GLCCI1: variants seen among roughly 807,000 people sequenced by gnomAD.
The protein encoded by GLCCI1 is glucocorticoid-induced transcript 1 protein.
A neutral mutation model predicts 52.2 loss-of-function variants in GLCCI1; 24 were observed. That is an observed-to-expected ratio of 0.46 (90% confidence interval 0.33 to 0.65). The LOEUF is 0.65. Ranked by LOEUF, GLCCI1 falls within the 30% of genes least tolerant of loss-of-function variation. GLCCI1 has a pLI of 0.02. For missense variants in GLCCI1, 704 were observed against 701.5 expected (o/e 1.00, Z -0.04); for synonymous variants, 310 against 276.5 (o/e 1.12, Z -1.20).
At chr7:7,986,384 G>T (rs983147510) in intron 1 of GLCCI1, among the ~76,000 whole-genome samples, 4 of 151,890 alleles carry the variant, frequency 2.6e-5, no homozygotes, top group Non-Finnish European at 5.9e-5. Flanking sequence ...CAGGGGGAGG[G>T]GGGGGTGGCA....
chr7:8,004,283 A>G (rs770131899), intron 2 of GLCCI1: 24 of 425,620 alleles, frequency 5.6e-5, no homozygotes, highest in Admixed American at 1.8e-4. Context: ...ACATCAGTCT[A>G]TATTACATGG....
intron 5 of GLCCI1, among the ~76,000 whole-genome samples, chr7:8,069,715 A>G (rs1250692559): frequency 6.6e-6 from 1 of 152,170 alleles, no homozygotes; most frequent in African/African-American, 2.4e-5. Flanking sequence ...TCATTTGCAT[A>G]GTTTCAGATT....
At chr7:8,023,588 C>CCTTTTTTTTTTTTT (rs1781543370) in intron 3 of GLCCI1, among the ~76,000 whole-genome samples, 2 of 41,984 alleles carry the variant, frequency 4.8e-5, no homozygotes, top group African/African-American at 2.0e-4. Context: ...CTCTGTTATT[C>CCTTTTTTTTTTTTT]TTTTTTTTTT....
chr7:7,995,333 A>G (rs2115419661), intron 1 of GLCCI1, among the ~76,000 whole-genome samples: 1 of 152,074 alleles, frequency 6.6e-6, no homozygotes. Context: ...ATATGGCAAA[A>G]CCCCGTCCTC....
rs11561883 is a variant in GLCCI1 at position 8,074,730 on chromosome 7, T to C, written c.1177+3599T>C. 5.2e-3 allele frequency among the ~76,000 whole-genome samples: 787 copies of C among 152,304 alleles called. 17 individuals carry two copies. In the East Asian group the frequency reaches 0.075, roughly 14 times the overall value. On this transcript the variant is annotated intron_variant, in intron 6 of 7. Transcript: ENST00000223145. The stretch of plus-strand genomic sequence containing the variant: ...TTCCTATAATGTATGTTTTCTACAA[T>C]AAATCATAAATTGGTGTTTTTTTAT...
At chr7:8,019,235 G>A (rs1781434692) in intron 2 of GLCCI1, among the ~76,000 whole-genome samples, 2 of 152,216 alleles carry the variant, frequency 1.3e-5, no homozygotes, top group South Asian at 2.1e-4. Flanking sequence ...TATGACAGCC[G>A]GTAGCCACAT....
chr7:8,051,083 A>T (rs1782248836), intron 3 of GLCCI1, among the ~76,000 whole-genome samples: 1 of 152,200 alleles, frequency 6.6e-6, no homozygotes, highest in Non-Finnish European at 1.5e-5. Flanking sequence ...AGAATATGTT[A>T]TTAGGCAGAA....
chr7:8,021,548 G>T (rs551837590), intron 2 of GLCCI1, among the ~76,000 whole-genome samples: 1 of 152,298 alleles, frequency 6.6e-6, no homozygotes, highest in Admixed American at 6.5e-5. Flanking sequence ...GAGTAGCTGA[G>T]ATTACAGGTG....
chr7:8,086,046 A>G lies in GLCCI1; in HGVS notation c.1299-147A>G. The G allele has an allele frequency of 1.5e-6, 1 of 649,014 alleles. No homozygotes were observed. The allele number at this position is 649,014 out of a possible 1,614,324, so 40.2% of individuals were successfully genotyped here. The stretch of plus-strand genomic sequence containing the variant: ...AATAGTCTGCCAGCTGACTTGTGCT[A>G]TGGAAGATGTTTACCCCTCTGTATA... On this transcript the variant is annotated intron_variant, in intron 7 of 7. Coordinates refer to ENST00000223145, the MANE Select transcript of GLCCI1 (RefSeq NM_138426.4). The surrounding 1 kb of genome is among the most constrained non-coding windows in gnomAD (Gnocchi z 4.4).
intron 2 of GLCCI1, among the ~76,000 whole-genome samples, chr7:8,004,932 C>T (rs909071835): frequency 2.6e-5 from 4 of 152,182 alleles, no homozygotes; most frequent in Non-Finnish European, 5.9e-5. Context: ...ATCTGTAAAA[C>T]TCTGCTTCTC....
chr7:7,980,340 G>C, intron 1 of GLCCI1: 1 of 179,708 alleles, frequency 5.6e-6, no homozygotes, highest in South Asian at 1.5e-4. Context: ...AGACTACTGT[G>C]GGCAATGTGG....
At chr7:8,048,021 A>T (rs1782174680) in intron 3 of GLCCI1, among the ~76,000 whole-genome samples, 1 of 152,084 alleles carries the variant, frequency 6.6e-6, no homozygotes, top group Non-Finnish European at 1.5e-5. Flanking sequence ...TCCCTAACTC[A>T]ACAGTCTCTA....
chr7:7,983,048 G>C (rs1237822450), intron 1 of GLCCI1, among the ~76,000 whole-genome samples: 2 of 152,078 alleles, frequency 1.3e-5, no homozygotes, highest in Non-Finnish European at 2.9e-5. Context: ...TAAACATGTG[G>C]TCAAAAAATA....
At chr7:7,976,850 C>T (rs553250747) in intron 1 of GLCCI1, among the ~76,000 whole-genome samples, 5 of 151,122 alleles carry the variant, frequency 3.3e-5, no homozygotes, top group South Asian at 2.1e-4. Context: ...TGAGCCCAGG[C>T]GGCAGAGGTT....
chr7:8,047,606 A>G (rs1347071770), intron 3 of GLCCI1, among the ~76,000 whole-genome samples: 2 of 152,240 alleles, frequency 1.3e-5, no homozygotes, highest in Non-Finnish European at 2.9e-5. Flanking sequence ...TTAACATCAA[A>G]TGAGTAAGAT....
At chr7:8,033,641 A>C (rs1288193516) in intron 3 of GLCCI1, among the ~76,000 whole-genome samples, 1 of 152,158 alleles carries the variant, frequency 6.6e-6, no homozygotes, top group African/African-American at 2.4e-5. Context: ...ATTTATTCAC[A>C]GTTGCATCAA....
chr7:8,013,165 G>T (rs1175513195), intron 2 of GLCCI1, among the ~76,000 whole-genome samples: 1 of 152,114 alleles, frequency 6.6e-6, no homozygotes, highest in East Asian at 1.9e-4. Context: ...AATTGGGAAA[G>T]ATTTTTTCCA....
At chr7:8,023,432 A>G (rs1036369511) in intron 3 of GLCCI1, among the ~76,000 whole-genome samples, 2 of 151,748 alleles carry the variant, frequency 1.3e-5, no homozygotes, top group Non-Finnish European at 2.9e-5. Flanking sequence ...TCATATCTTT[A>G]TGTATATTTT....
chr7:8,030,390 A>T (rs1440929111), intron 3 of GLCCI1, among the ~76,000 whole-genome samples: 1 of 152,218 alleles, frequency 6.6e-6, no homozygotes, highest in African/African-American at 2.4e-5. Context: ...AATAAAATCA[A>T]GATGGATTAA....
Sources: gnomAD v4.1 joint callset for allele counts (sites outside exome capture counted in the v4.1 genomes callset) on GRCh38, gnomAD v4.1.1 for gene constraint, Gnocchi (gnomAD v3.1) non-coding constraint, MANE v1.5 for transcripts, NCBI Gene and HGNC (gene_info 2026-07-23, HGNC 2026-07-21) for gene names.